Variants in CYP39A1 observed in about 807,000 individuals in gnomAD.
CYP39A1 encodes 24-hydroxycholesterol 7-alpha-hydroxylase.
CYP39A1 carries 49 observed loss-of-function variants against 58.1 expected under a neutral mutation model. That is an observed-to-expected ratio of 0.84 (90% CI 0.67 to 1.07). The LOEUF is 1.07. Among genes scored for constraint, CYP39A1 ranks in the 50% least tolerant of loss-of-function variants. The pLI is 0.00. For missense variants in CYP39A1, 531 were observed against 539.4 expected (o/e 0.98, Z 0.16); for synonymous variants, 209 against 187.6 (o/e 1.11, Z -0.93).
chr6:46,614,051 T>C (rs949892675), intron 7 of CYP39A1, among the ~76,000 whole-genome samples: 1 of 151,812 alleles, frequency 6.6e-6, no homozygotes, highest in African/African-American at 2.4e-5. Flanking sequence ...GAAATCCTCC[T>C]TAAACAAATT....
chr6:46,571,180 G>A (rs1582311050), intron 10 of CYP39A1, among the ~76,000 whole-genome samples: 1 of 152,112 alleles, frequency 6.6e-6, no homozygotes, highest in East Asian at 1.9e-4. Flanking sequence ...AGGTGCTTGA[G>A]AAGAATGTAT....
intron 10 of CYP39A1, among the ~76,000 whole-genome samples, chr6:46,570,264 T>A (rs12214164): frequency 0.062 from 9,407 of 152,238 alleles, 435 homozygotes; most frequent in Non-Finnish European, 0.094. Flanking sequence ...TTTTCAAGAC[T>A]TAATTTTTTA....
intron 7 of CYP39A1, among the ~76,000 whole-genome samples, chr6:46,599,446 G>C (rs761309804): frequency 4.8e-4 from 73 of 152,194 alleles, no homozygotes; most frequent in Middle Eastern, 3.4e-3. Context: ...CAAGTGACTA[G>C]GTCAATCAAC....
At position 46,625,419 on chromosome 6, in the gene CYP39A1, T is replaced by A. The variant is rs947241589; in HGVS notation, c.930A>T (p.Ala310=). Residue 310 remains alanine, a splice_region_variant and synonymous_variant, in exon 7 of 12, where the codon GCA becomes GCT. Transcript: ENST00000275016. ...TTCCTATATAATAAGGTTTAGTACC[T>A]GCTTTGCCAAACACAGAAGATATGC... The part of the protein sequence containing the change: ...MEGISSVFGK[A]GKDKIKVSED... 1.2e-6 allele frequency: 2 copies of A among 1,604,612 alleles called. No homozygotes were observed. The highest frequency in any genetic ancestry group is 4.5e-5 in the East Asian group (2 of 44,566).
At chr6:46,614,211 A>G (rs1267821570) in intron 7 of CYP39A1, among the ~76,000 whole-genome samples, 1 of 152,192 alleles carries the variant, frequency 6.6e-6, no homozygotes. Context: ...CAGGAGGAAG[A>G]AATGTCTCAG....
At chr6:46,620,211 G>C (rs1039341008) in intron 7 of CYP39A1, among the ~76,000 whole-genome samples, 3 of 152,054 alleles carry the variant, frequency 2.0e-5, no homozygotes, top group Non-Finnish European at 4.4e-5. Context: ...AAAGCCAGAA[G>C]TCTGCATTCA....
At chr6:46,559,063 G>A (rs75313771) in intron 10 of CYP39A1, among the ~76,000 whole-genome samples, 1,614 of 150,664 alleles carry the variant, frequency 0.011, 24 homozygotes, top group African/African-American at 0.037. Context: ...GACTGATGTT[G>A]AAATGACAAT....
chr6:46,599,065 G>T (rs779933777), intron 7 of CYP39A1, among the ~76,000 whole-genome samples: 9 of 152,124 alleles, frequency 5.9e-5, no homozygotes, highest in Non-Finnish European at 1.3e-4. Context: ...GGCGTGTGGG[G>T]TTGCATATGC....
chr6:46,558,994 C>CA (rs35310827), intron 10 of CYP39A1, among the ~76,000 whole-genome samples: 3,810 of 48,140 alleles, frequency 0.079, 128 homozygotes, highest in Middle Eastern at 0.13. Flanking sequence ...GACTCCATCT[C>CA]AAAAAAAAAA....
intron 1 of CYP39A1, among the ~76,000 whole-genome samples, chr6:46,643,739 T>C (rs950383114): frequency 6.6e-6 from 1 of 152,218 alleles, no homozygotes; most frequent in Non-Finnish European, 1.5e-5. Context: ...GAGTAAAAGA[T>C]GGTCATGCAC....
At chr6:46,572,180 C>T (rs936214090) in intron 10 of CYP39A1, among the ~76,000 whole-genome samples, 9 of 121,218 alleles carry the variant, frequency 7.4e-5, no homozygotes, top group East Asian at 2.1e-4. Context: ...ATATTTTTTT[C>T]GGGAGTTAAA....
At chr6:46,646,983 C>A (rs924381446) in intron 1 of CYP39A1, among the ~76,000 whole-genome samples, 2 of 151,922 alleles carry the variant, frequency 1.3e-5, no homozygotes, top group South Asian at 2.1e-4. Flanking sequence ...TCTCAAAAAA[C>A]CAGTTCTTTC....
intron 10 of CYP39A1, among the ~76,000 whole-genome samples, chr6:46,555,255 G>A (rs1770616407): frequency 6.6e-6 from 1 of 152,114 alleles, no homozygotes; most frequent in South Asian, 2.1e-4. Flanking sequence ...CCTTTCTGAG[G>A]CTCAATCTCC....
intron 10 of CYP39A1, among the ~76,000 whole-genome samples, chr6:46,560,282 G>T (rs974125827): frequency 6.6e-6 from 1 of 152,224 alleles, no homozygotes; most frequent in East Asian, 1.9e-4. Flanking sequence ...GAATGGAAGC[G>T]AAAAGAGTGA....
At chr6:46,647,735 T>G (rs1481915443) in intron 1 of CYP39A1, among the ~76,000 whole-genome samples, 1 of 152,244 alleles carries the variant, frequency 6.6e-6, no homozygotes, top group Non-Finnish European at 1.5e-5. Context: ...CCAGTGATGA[T>G]GAGCATTTTT....
chr6:46,590,780 C>T (rs990858729), intron 8 of CYP39A1, among the ~76,000 whole-genome samples: 4 of 152,108 alleles, frequency 2.6e-5, no homozygotes, highest in African/African-American at 9.7e-5. Flanking sequence ...TAGTTTTGAT[C>T]CTCCTGAATA....
chr6:46,618,194 A>T (rs964736445), intron 7 of CYP39A1, among the ~76,000 whole-genome samples: 2 of 152,110 alleles, frequency 1.3e-5, no homozygotes, highest in African/African-American at 4.8e-5. Flanking sequence ...TCTAATTTAC[A>T]TGTGTTATAT....
chr6:46,625,609 TTTAAA>T, intron 6 of CYP39A1, 101 bp from the exon 7 acceptor site: 2 of 785,872 alleles, frequency 2.5e-6, no homozygotes, highest in Non-Finnish European at 3.9e-6. Context: ...AAGGATGATG[TTTAAA>T]TTAACCTTAA....
intron 6 of CYP39A1, among the ~76,000 whole-genome samples, 167 bp downstream of exon 6, chr6:46,630,796 A>G (rs1017093009): frequency 1.3e-5 from 2 of 152,228 alleles, no homozygotes; most frequent in African/African-American, 4.8e-5. Flanking sequence ...ATCAGATTTC[A>G]TTAGGCATTC....
Sources: gnomAD v4.1 joint callset for allele counts (sites outside exome capture counted in the v4.1 genomes callset) on GRCh38, gnomAD v4.1.1 for gene constraint, MANE v1.5 for transcripts, NCBI Gene and HGNC (gene_info 2026-07-23, HGNC 2026-07-21) for gene names.